The following GRAMD2B variants were observed in gnomAD, a reference collection of about 807,000 sequenced individuals.
The protein encoded by GRAMD2B is GRAM domain-containing protein 2B.
A neutral mutation model predicts 59.2 loss-of-function variants in GRAMD2B; 41 were observed. The ratio of observed to expected loss-of-function variants is 0.69; its 90% CI spans 0.54 to 0.90. The LOEUF is 0.90. Among genes scored for constraint, GRAMD2B ranks in the 40% least tolerant of loss-of-function variants. GRAMD2B has a pLI of 0.00. For synonymous variants in GRAMD2B, 161 were observed against 182.7 expected (o/e 0.88, Z 0.96); for missense variants, 424 against 500.5 (o/e 0.85, Z 1.46).
rs759106103 is a variant in GRAMD2B, at chr5:126,492,955, G to T, written c.1298G>T (p.Ter433LeuextTer21). ...NLQKLLENGD[*>L] The stretch of plus-strand genomic sequence containing the variant: ...CAGAAGTTGCTTGAGAATGGTGACT[G>T]ATCGACCAGATTGCTTGGGCCATCG... Residue 433 changes from the stop codon to leucine, a stop_lost, in exon 14 of 14, where the codon TGA (stop) becomes TTA (leucine). Transcript: ENST00000285689. 3.1e-6 allele frequency: 5 copies of T among 1,611,718 alleles called. No homozygotes were observed. Among genetic ancestry groups the T allele is most frequent in the Non-Finnish European group, 4.2e-6 (5 of 1,177,940 alleles).
intron 5 of GRAMD2B, among the ~76,000 whole-genome samples, chr5:126,476,799 C>T (rs1304843701): frequency 2.0e-5 from 3 of 152,120 alleles, no homozygotes; most frequent in Non-Finnish European, 4.4e-5. Context: ...TCTTTTATGT[C>T]ACCCATCCTG....
intron 1 of GRAMD2B, among the ~76,000 whole-genome samples, chr5:126,428,072 TA>T (rs1261613456): frequency 6.6e-6 from 1 of 151,908 alleles, no homozygotes; most frequent in Non-Finnish European, 1.5e-5. Context: ...GTCTCTACTA[TA>T]AATACAAAAA....
intron 1 of GRAMD2B, among the ~76,000 whole-genome samples, chr5:126,433,253 A>G (rs1456646799): frequency 6.6e-6 from 1 of 152,194 alleles, no homozygotes; most frequent in African/African-American, 2.4e-5. Context: ...TTTCCATCAC[A>G]TTTTATATGT....
At chr5:126,371,503 C>G (rs1489965754) in exon 1 of GRAMD2B, 1 of 1,289,254 alleles carries the variant, frequency 7.8e-7, no homozygotes, top group East Asian at 5.5e-5. Context: ...TCCGGGCAGC[C>G]CAAGGAAGGC....
Position 126,488,122 on chromosome 5 carries a change from G to A in GRAMD2B, c.1164-677G>A, listed in dbSNP as rs75908485. On this transcript the variant is annotated intron_variant, in intron 12 of 13. Coordinates refer to ENST00000285689, the MANE Select transcript of GRAMD2B (RefSeq NM_023927.4). ...GGCTTACATGTATGCAGGCATACAG[G>A]TTATTTTTGACCCATAAATATACAC... 7.9e-3 allele frequency among the ~76,000 whole-genome samples: 1,195 copies of A among 152,216 alleles called. 13 individuals carry two copies. The highest frequency in any genetic ancestry group is 0.027 in the African/African-American group (1,133 of 41,534).
intron 1 of GRAMD2B, among the ~76,000 whole-genome samples, chr5:126,438,299 G>T (rs1316171610): frequency 2.0e-5 from 3 of 152,148 alleles, no homozygotes; most frequent in Non-Finnish European, 4.4e-5. Flanking sequence ...TAACCTCGGA[G>T]AAACAGCCTG....
At chr5:126,491,882 T>TA (rs1774005381) in intron 13 of GRAMD2B, among the ~76,000 whole-genome samples, 1 of 152,138 alleles carries the variant, frequency 6.6e-6, no homozygotes, top group East Asian at 1.9e-4. Context: ...TACAGGCATC[T>TA]GCCACCACAC....
intron 1 of GRAMD2B, among the ~76,000 whole-genome samples, chr5:126,460,551 C>G (rs187693536): frequency 1.3e-5 from 2 of 152,340 alleles, no homozygotes; most frequent in African/African-American, 4.8e-5. Flanking sequence ...TCCTGCACTT[C>G]CGCACTCCAT....
chr5:126,403,139 T>C (rs1432301707), intron 1 of GRAMD2B, among the ~76,000 whole-genome samples: 2 of 152,008 alleles, frequency 1.3e-5, no homozygotes, highest in Non-Finnish European at 2.9e-5. Context: ...ATTTGACTAA[T>C]ATTCACACAG....
At chr5:126,420,070 A>AC (rs1554076420), upstream of GRAMD2B, among the ~76,000 whole-genome samples, 1 of 148,130 alleles carries the variant, frequency 6.8e-6, no homozygotes, top group African/African-American at 2.6e-5. Flanking sequence ...AAAAAAAAAA[A>AC]AAAGAAAGAA....
intron 1 of GRAMD2B, among the ~76,000 whole-genome samples, chr5:126,454,888 C>T (rs986778441): frequency 1.3e-5 from 2 of 152,136 alleles, no homozygotes; most frequent in African/African-American, 4.8e-5. Flanking sequence ...ATTTGGGGCT[C>T]CTTTGGTTTT....
chr5:126,457,017 C>A (rs1320925382), intron 1 of GRAMD2B, among the ~76,000 whole-genome samples: 1 of 150,968 alleles, frequency 6.6e-6, no homozygotes, highest in Non-Finnish European at 1.5e-5. Context: ...ACGGTGAAAC[C>A]CCGTCTCTAC....
At chr5:126,439,010 T>C (rs1762854545) in intron 1 of GRAMD2B, among the ~76,000 whole-genome samples, 1 of 152,168 alleles carries the variant, frequency 6.6e-6, no homozygotes, top group Non-Finnish European at 1.5e-5. Context: ...AACATTCCTG[T>C]ACACAACCGT....
intron 1 of GRAMD2B, among the ~76,000 whole-genome samples, chr5:126,372,030 T>C (rs1754802588): frequency 1.3e-5 from 2 of 152,224 alleles, no homozygotes; most frequent in Non-Finnish European, 2.9e-5. Context: ...AACTGTTCTC[T>C]GGTTCAAGTA....
intron 1 of GRAMD2B, among the ~76,000 whole-genome samples, chr5:126,408,684 A>C (rs1215467022): frequency 2.5e-5 from 2 of 78,910 alleles, no homozygotes; most frequent in Admixed American, 3.1e-4. Flanking sequence ...CTTCTGCCTG[A>C]GACTCTTTTT....
intron 1 of GRAMD2B, among the ~76,000 whole-genome samples, chr5:126,438,233 GAAGTCAATGAA>G (rs1762730829): frequency 6.6e-6 from 1 of 152,158 alleles, no homozygotes. Context: ...ATGGAGGAGC[GAAGTCAATGAA>G]AAGTTTTGTT....
intron 1 of GRAMD2B, among the ~76,000 whole-genome samples, chr5:126,410,509 A>T (rs1332917448): frequency 1.3e-5 from 2 of 151,908 alleles, no homozygotes; most frequent in African/African-American, 2.4e-5. Flanking sequence ...TTGGTGTATA[A>T]GAATGCTTGT....
intron 1 of GRAMD2B, among the ~76,000 whole-genome samples, chr5:126,392,969 T>C (rs1166822119): frequency 6.6e-6 from 1 of 152,182 alleles, no homozygotes; most frequent in African/African-American, 2.4e-5. Flanking sequence ...GAACAATAAA[T>C]TTCTGTTTCA....
chr5:126,457,927 T>G (rs970902627), intron 1 of GRAMD2B, among the ~76,000 whole-genome samples: 2 of 152,158 alleles, frequency 1.3e-5, no homozygotes, highest in Non-Finnish European at 2.9e-5. Context: ...GTGATTCTTT[T>G]TCATGGGTGC....
Sources: allele counts gnomAD v4.1 joint callset (sites outside exome capture counted in the v4.1 genomes callset), GRCh38; gene constraint gnomAD v4.1.1; transcripts MANE v1.5; gene names NCBI Gene and HGNC (gene_info 2026-07-23, HGNC 2026-07-21).